Variants in CDKAL1 observed in about 807,000 individuals in gnomAD.
CDKAL1 encodes threonylcarbamoyladenosine tRNA methylthiotransferase.
CDKAL1 carries 32 observed loss-of-function variants against 68.2 expected under a neutral mutation model. That is an observed-to-expected ratio of 0.47 (90% CI 0.35 to 0.63). The LOEUF (loss-of-function observed/expected upper bound fraction) is 0.63, where lower values mean the gene tolerates loss of function less well. Among genes scored for constraint, CDKAL1 ranks in the 30% least tolerant of loss-of-function variants. The pLI, the probability that CDKAL1 is intolerant of heterozygous loss-of-function variation, is 0.00. For synonymous variants in CDKAL1, 234 were observed against 244.3 expected (o/e 0.96, Z 0.39); for missense variants, 606 against 696.7 (o/e 0.87, Z 1.47).
At chr6:20,586,603 A>G (rs1765365820) in intron 4 of CDKAL1, among the ~76,000 whole-genome samples, 1 of 152,164 alleles carries the variant, frequency 6.6e-6, no homozygotes, top group Non-Finnish European at 1.5e-5. Context: ...ACGCCACTGC[A>G]CTCCGGCCTG....
At chr6:21,112,490 G>T (rs910186610) in intron 13 of CDKAL1, among the ~76,000 whole-genome samples, 2 of 152,126 alleles carry the variant, frequency 1.3e-5, no homozygotes, top group African/African-American at 4.8e-5. Flanking sequence ...TGGGCTTCTT[G>T]CTTTCTTTTA....
chr6:20,639,014 G>A (rs1409464170), intron 4 of CDKAL1, among the ~76,000 whole-genome samples: 1 of 152,052 alleles, frequency 6.6e-6, no homozygotes, highest in East Asian at 1.9e-4. Context: ...TGAGGATGGG[G>A]AATATTAATA....
chr6:20,894,530 TG>T (rs1022042132), intron 9 of CDKAL1, among the ~76,000 whole-genome samples: 31 of 152,240 alleles, frequency 2.0e-4, no homozygotes, highest in African/African-American at 7.2e-4. Flanking sequence ...AAAAGAAGTT[TG>T]AGTGATGCTT....
chr6:21,176,951 C>G (rs924416967), intron 13 of CDKAL1, among the ~76,000 whole-genome samples: 2 of 152,094 alleles, frequency 1.3e-5, no homozygotes, highest in Non-Finnish European at 2.9e-5. Context: ...CCCGCCTCAG[C>G]CTCCCAAAGT....
intron 11 of CDKAL1, among the ~76,000 whole-genome samples, chr6:21,004,735 T>G (rs937880168): frequency 1.3e-5 from 2 of 151,788 alleles, no homozygotes; most frequent in African/African-American, 4.8e-5. Flanking sequence ...GAGGCTGAGG[T>G]AGGAGGATCA....
intron 4 of CDKAL1, among the ~76,000 whole-genome samples, chr6:20,561,019 C>T (rs1034906855): frequency 1.3e-5 from 2 of 152,144 alleles, no homozygotes; most frequent in Admixed American, 6.5e-5. Flanking sequence ...CTTAGAGTGA[C>T]GTCTCGGCTA....
intron 13 of CDKAL1, among the ~76,000 whole-genome samples, chr6:21,186,031 C>T (rs770633988): frequency 2.2e-5 from 3 of 138,592 alleles, no homozygotes; most frequent in East Asian, 4.8e-4. Context: ...CTCTTGGAGC[C>T]GGGCTCTCAG....
chr6:20,701,259 GTTTT>G (rs11305935), intron 5 of CDKAL1, among the ~76,000 whole-genome samples: 9 of 118,588 alleles, frequency 7.6e-5, no homozygotes, highest in African/African-American at 1.2e-4. Context: ...ACATGAAGTT[GTTTT>G]TTTTTTTTTT....
At position 20,860,795 on chromosome 6, in the gene CDKAL1, G is replaced by A. The variant is rs993402101; in HGVS notation, c.742+14617G>A. Among the ~76,000 whole-genome samples, 9 of 151,972 alleles carry A rather than the reference G, an allele frequency of 5.9e-5. No individual in the cohort carries two copies. The East Asian group carries it at 1.7e-3, about 29-fold the overall frequency. On this transcript the variant is annotated intron_variant, in intron 9 of 15. Transcript: ENST00000274695. ...GATGAGATCGCACCACTGCACTCCA[G>A]CCTGGCAACAGAGCGAGACTCCATC...
At chr6:21,142,207 G>A (rs1023138953) in intron 13 of CDKAL1, among the ~76,000 whole-genome samples, 2 of 151,684 alleles carry the variant, frequency 1.3e-5, no homozygotes, top group Non-Finnish European at 2.9e-5. Flanking sequence ...TCCCCTCTTG[G>A]CAAGAGAATG....
At chr6:20,938,627 C>T (rs946574562) in intron 9 of CDKAL1, among the ~76,000 whole-genome samples, 1 of 152,074 alleles carries the variant, frequency 6.6e-6, no homozygotes, top group Admixed American at 6.5e-5. Flanking sequence ...ATAGAATCAT[C>T]TCAATTTTCT....
rs187142661 is a variant in CDKAL1 at position 20,895,085 on chromosome 6, T to A, written c.742+48907T>A. Among the ~76,000 whole-genome samples the A allele has an allele frequency of 5.9e-5, 9 of 152,334 alleles. No individual in the cohort carries two copies. The East Asian group carries it at 1.7e-3, about 29-fold the overall frequency. ...TGTATCTTTTTTCTCTATGTGTATG[T>A]TTTGTAAGTTTATAATATTAAATAA... On this transcript the variant is annotated intron_variant, in intron 9 of 15. Coordinates refer to ENST00000274695, the MANE Select transcript of CDKAL1 (RefSeq NM_017774.3).
At chr6:20,782,457 A>G (rs939248037) in intron 8 of CDKAL1, among the ~76,000 whole-genome samples, 2 of 152,222 alleles carry the variant, frequency 1.3e-5, no homozygotes, top group Non-Finnish European at 2.9e-5. Context: ...GAGCCGAATT[A>G]TAAATGCAAG....
intron 11 of CDKAL1, among the ~76,000 whole-genome samples, chr6:21,014,007 T>C (rs1768161950): frequency 6.6e-6 from 1 of 152,190 alleles, no homozygotes; most frequent in Non-Finnish European, 1.5e-5. Flanking sequence ...CTCTGTCTCA[T>C]GGTCCATGAT....
At chr6:20,729,842 G>C (rs1003406099) in intron 5 of CDKAL1, among the ~76,000 whole-genome samples, 10 of 152,142 alleles carry the variant, frequency 6.6e-5, no homozygotes, top group Admixed American at 6.5e-4. Flanking sequence ...ATTCATGTTA[G>C]CTACTCCTCG....
At chr6:21,138,947 C>T (rs943000721) in intron 13 of CDKAL1, among the ~76,000 whole-genome samples, 1 of 152,194 alleles carries the variant, frequency 6.6e-6, no homozygotes, top group Non-Finnish European at 1.5e-5. Context: ...TCGGCGACCT[C>T]GCACTGTCTC....
intron 11 of CDKAL1, among the ~76,000 whole-genome samples, chr6:21,008,784 G>A (rs148693361): frequency 1.3e-5 from 2 of 152,234 alleles, no homozygotes; most frequent in African/African-American, 2.4e-5. Flanking sequence ...GATAATACGT[G>A]TCTGTTGAAT....
At chr6:21,156,419 G>A (rs1776644651) in intron 13 of CDKAL1, among the ~76,000 whole-genome samples, 2 of 100,130 alleles carry the variant, frequency 2.0e-5, no homozygotes, top group Non-Finnish European at 3.8e-5. Context: ...GCGAGACCCT[G>A]TCTCCAAAAA....
At chr6:20,764,765 C>A (rs1052944727) in intron 7 of CDKAL1, among the ~76,000 whole-genome samples, 3 of 152,114 alleles carry the variant, frequency 2.0e-5, no homozygotes, top group African/African-American at 7.2e-5. Context: ...TATTGGACCA[C>A]AAAAGCACAT....
Sources: allele counts gnomAD v4.1 joint callset (sites outside exome capture counted in the v4.1 genomes callset), GRCh38; gene constraint gnomAD v4.1.1; transcripts MANE v1.5; gene names NCBI Gene and HGNC (gene_info 2026-07-23, HGNC 2026-07-21).